Variants in FBXL7 observed in about 807,000 individuals in gnomAD.
FBXL7 encodes the protein F-box/LRR-repeat protein 7.
A neutral mutation model predicts 38.3 loss-of-function variants in FBXL7; 12 were observed. The ratio of observed to expected loss-of-function variants is 0.31; its 90% confidence interval spans 0.20 to 0.51. FBXL7 has a LOEUF of 0.51. Ranked by LOEUF, FBXL7 falls within the 20% of genes least tolerant of loss-of-function variation. FBXL7 has a pLI of 0.98. For synonymous variants in FBXL7, 297 were observed against 300.9 expected, an observed-to-expected ratio of 0.99 and a Z score of 0.13; for missense variants, 567 against 676.4, an observed-to-expected ratio of 0.84 and a Z score of 1.79.
At chr5:15,770,620 T>G (rs1736705445) in intron 2 of FBXL7, among the ~76,000 whole-genome samples, 1 of 152,248 alleles carries the variant, frequency 6.6e-6, no homozygotes, top group Non-Finnish European at 1.5e-5. Context: ...AAGTCTATGT[T>G]ACATCTTTTG....
At chr5:15,897,511 A>G (rs2126402098) in intron 2 of FBXL7, among the ~76,000 whole-genome samples, 1 of 152,342 alleles carries the variant, frequency 6.6e-6, no homozygotes, top group East Asian at 1.9e-4. Flanking sequence ...GGTGTACATC[A>G]GATGTTGAAG....
intron 2 of FBXL7, among the ~76,000 whole-genome samples, chr5:15,775,384 TACAC>T (rs61058450): frequency 2.0e-5 from 3 of 150,682 alleles, no homozygotes; most frequent in African/African-American, 7.3e-5. Flanking sequence ...CCCCACCATA[TACAC>T]ACACACACAC....
At chr5:15,915,908 G>A (rs1024830256) in intron 2 of FBXL7, among the ~76,000 whole-genome samples, 15 of 152,160 alleles carry the variant, frequency 9.9e-5, no homozygotes, top group African/African-American at 3.6e-4. Flanking sequence ...GAAATCCATA[G>A]CCAGTCAAAG....
intron 2 of FBXL7, among the ~76,000 whole-genome samples, chr5:15,839,496 A>G (rs779920770): frequency 1.3e-4 from 20 of 151,856 alleles, no homozygotes; most frequent in Non-Finnish European, 2.8e-4. Context: ...CTTTTTTTCC[A>G]TTGAATTCTA....
chr5:15,572,136 C>A (rs1203301557), intron 1 of FBXL7, among the ~76,000 whole-genome samples: 1 of 152,056 alleles, frequency 6.6e-6, no homozygotes, highest in Non-Finnish European at 1.5e-5. Context: ...CTGGGTCTAT[C>A]CAAAAGCCAT....
At position 15,862,191 on chromosome 5, in the gene FBXL7, G is replaced by A. The variant is rs912521628; in HGVS notation, c.128-65699G>A. 5.9e-5 allele frequency among the ~76,000 whole-genome samples: 9 copies of A among 152,078 alleles called. 1 individual carries two copies. The South Asian group carries it at 6.2e-4, about 11-fold the overall frequency. ...TGGAAGATAACTGAATCATGGGGGC[G>A]GTTTCCCCCATACTGTTCTCGTGGT... is the stretch of plus-strand genomic sequence containing the variant. On this transcript the variant is annotated intron_variant, in intron 2 of 3. Transcript: ENST00000504595.
At chr5:15,722,960 CT>C (rs956184349) in intron 2 of FBXL7, among the ~76,000 whole-genome samples, 11 of 148,012 alleles carry the variant, frequency 7.4e-5, no homozygotes, top group African/African-American at 2.7e-4. Context: ...AGAAAACAAC[CT>C]GGAAAAAAAT....
chr5:15,652,001 T>C (rs951128403), intron 2 of FBXL7, among the ~76,000 whole-genome samples: 13 of 152,240 alleles, frequency 8.5e-5, no homozygotes, highest in African/African-American at 3.1e-4. Flanking sequence ...TTTTATCTTA[T>C]AGAAACAGCT....
At chr5:15,577,007 A>T (rs1580381107) in intron 1 of FBXL7, among the ~76,000 whole-genome samples, 1 of 152,348 alleles carries the variant, frequency 6.6e-6, no homozygotes, top group Admixed American at 6.5e-5. Flanking sequence ...GAATTGAAAG[A>T]AAATAGTATC....
chr5:15,617,554 C>T (rs573831960), intron 2 of FBXL7, among the ~76,000 whole-genome samples: 3 of 152,136 alleles, frequency 2.0e-5, no homozygotes, highest in East Asian at 1.9e-4. Context: ...CTCTGCCTCC[C>T]GGATTCAAGT....
In FBXL7 at chr5:15,927,066, C is replaced by T. The variant is rs140567975; in HGVS notation, c.128-824C>T. ...ATGAAACTTTGAAGTTGTGCCCTAC[C>T]GTAATCCCCGTTCATGTAGACTGGA... On this transcript the variant is annotated intron_variant, in intron 2 of 3. Transcript: ENST00000504595. 4.6e-5 allele frequency among the ~76,000 whole-genome samples: 7 copies of T among 151,928 alleles called. No individual in the cohort carries two copies. In the Middle Eastern group the frequency reaches 0.01, roughly 221 times the overall value.
At chr5:15,894,914 T>C (rs1741047084) in intron 2 of FBXL7, among the ~76,000 whole-genome samples, 1 of 152,182 alleles carries the variant, frequency 6.6e-6, no homozygotes, top group African/African-American at 2.4e-5. Context: ...TAAAAGGTGA[T>C]AGCAAGTTGC....
rs185771665 is a variant in FBXL7 at position 15,536,820 on chromosome 5, C to T, written c.37+36107C>T. On this transcript the variant is annotated intron_variant, in intron 1 of 3. Coordinates refer to ENST00000504595, the MANE Select transcript of FBXL7 (RefSeq NM_012304.5). ...TGTGTTTTGAAATATGAGAGGGATACGAGATTTGGGAGGGGCCAAGGGCAG... is the reference window on the plus strand; with the variant it reads ...TGTGTTTTGAAATATGAGAGGGATATGAGATTTGGGAGGGGCCAAGGGCAG... Among the ~76,000 whole-genome samples the T allele has an allele frequency of 2.2e-3, 329 of 151,946 alleles. 2 individuals are homozygous for T. The highest frequency in any genetic ancestry group is 7.5e-3 in the African/African-American group (309 of 41,424).
chr5:15,769,406 G>A (rs1736672755), intron 2 of FBXL7, among the ~76,000 whole-genome samples: 1 of 152,140 alleles, frequency 6.6e-6, no homozygotes, highest in Non-Finnish European at 1.5e-5. Flanking sequence ...AGGATGAGAT[G>A]GAGAAATCCT....
At chr5:15,556,009 CT>C (rs371165712) in intron 1 of FBXL7, among the ~76,000 whole-genome samples, 4,170 of 67,694 alleles carry the variant, frequency 0.062, 102 homozygotes, top group African/African-American at 0.11. Context: ...ATCTATCTAT[CT>C]ATCTATCATC....
intron 2 of FBXL7, among the ~76,000 whole-genome samples, chr5:15,717,260 T>C (rs1479005425): frequency 6.6e-6 from 1 of 152,220 alleles, no homozygotes. Context: ...TCTGGGTCCC[T>C]GAGTCCCCTG....
intron 2 of FBXL7, among the ~76,000 whole-genome samples, chr5:15,874,733 A>T (rs1474733575): frequency 6.6e-6 from 1 of 152,228 alleles, no homozygotes; most frequent in African/African-American, 2.4e-5. Flanking sequence ...TTCAAGGAGA[A>T]CTACAAACCA....
intron 1 of FBXL7, among the ~76,000 whole-genome samples, chr5:15,586,345 C>T (rs1405718814): frequency 7.1e-6 from 1 of 141,578 alleles, no homozygotes; most frequent in East Asian, 2.2e-4. Flanking sequence ...CTCTCTCTTT[C>T]TCCCTCTCTG....
intron 1 of FBXL7, among the ~76,000 whole-genome samples, chr5:15,522,619 A>G (rs577113804): frequency 2.0e-5 from 3 of 152,352 alleles, no homozygotes; most frequent in East Asian, 3.9e-4. Context: ...TAGTAACATT[A>G]GTTAGCCTGA....
Sources: gnomAD v4.1 joint callset for allele counts (sites outside exome capture counted in the v4.1 genomes callset) on GRCh38, gnomAD v4.1.1 for gene constraint, MANE v1.5 for transcripts, NCBI Gene and HGNC (gene_info 2026-07-23, HGNC 2026-07-21) for gene names.